The following POM121C variants were observed in gnomAD, a reference collection of about 807,000 sequenced individuals.
POM121C encodes the protein nuclear envelope pore membrane protein POM 121C.
POM121C carries 20 observed loss-of-function variants against 66.4 expected under a neutral mutation model. The ratio of observed to expected loss-of-function variants is 0.30; its 90% confidence interval spans 0.21 to 0.44. The LOEUF (loss-of-function observed/expected upper bound fraction) is 0.44. POM121C is among the 20% of genes least tolerant of loss of function. POM121C has a pLI of 1.00. For missense variants in POM121C, 580 were observed against 1,225.7 expected (o/e 0.47, Z 7.87); for synonymous variants, 286 against 528.0 (o/e 0.54, Z 6.28).
intron 1 of POM121C, among the ~76,000 whole-genome samples, chr7:75,479,593 G>A (rs1313720630): frequency 7.0e-6 from 1 of 142,008 alleles, no homozygotes; most frequent in African/African-American, 3.0e-5. Flanking sequence ...TCCAGCCTGG[G>A]GGACAGAGTG....
intron 7 of POM121C, among the ~76,000 whole-genome samples, chr7:75,429,655 C>A (rs587762113): frequency 6.7e-6 from 1 of 149,258 alleles, no homozygotes; most frequent in Admixed American, 6.7e-5. Context: ...AAACCAGATA[C>A]CTAGAAATAA....
Position 75,421,933 on chromosome 7 carries a change from C to A in POM121C, c.2319G>T (p.Ser773=), listed in dbSNP as rs377477248. The A allele has an allele frequency of 4.2e-5, 67 of 1,613,400 alleles. No individual in the cohort carries two copies. The African/African-American group carries it at 7.7e-4, about 19-fold the overall frequency. Reference sequence around the variant, plus strand: ...AAGCCGTGGCTTTCAATCCAAACGCCGAGTGCGTGGCACCGCCAAAGGTAG... The same window carrying A: ...AAGCCGTGGCTTTCAATCCAAACGCAGAGTGCGTGGCACCGCCAAAGGTAG... ...IQPTFGGATH[S]AFGLKATASA... is the part of the protein sequence containing the mutation. The change falls in exon 13 of 15, where the codon TCG becomes TCT. Residue 773 remains serine, a synonymous_variant. Coordinates refer to ENST00000615331, the MANE Select transcript of POM121C (RefSeq NM_001099415.3).
rs1554471560 is a variant in POM121C, at chr7:75,425,186, G to C, written c.656C>G (p.Thr219Arg). The C allele has an allele frequency of 6.8e-7, 1 of 1,472,692 alleles. No individual in the cohort carries two copies. Among genetic ancestry groups the C allele is most frequent in the East Asian group, 2.3e-5 (1 of 42,908 alleles). 91.2% of individuals were successfully genotyped at this position (1,472,692 alleles called of 1,614,324 possible). A position where few individuals can be genotyped will look rare whatever the true frequency, so the allele number is the denominator to read the frequency against. ...KESQGEKAAD[T>R]TPRKKQNSNS... The stretch of plus-strand genomic sequence containing the variant: ...CGAGTTTTGTTTCTTCCTTGGGGTT[G>C]TATCTGCAGCTAAAGAAAGAAATCA... The change falls in exon 10 of 15, where the codon ACA becomes AGA. Residue 219 changes from threonine (T) to arginine (R), a missense_variant. Physicochemically the swap from Thr to Arg is moderately conservative, Grantham distance 71 (BLOSUM62 -1). Transcript: ENST00000615331.
intron 5 of POM121C, chr7:75,440,723 C>A (rs587732853): frequency 1.7e-6 from 1 of 598,270 alleles, no homozygotes; most frequent in South Asian, 2.0e-5. Flanking sequence ...TAGCTGTCAG[C>A]TTATCTCTGC....
intron 7 of POM121C, among the ~76,000 whole-genome samples, chr7:75,432,373 A>T (rs1554472463): frequency 6.6e-6 from 1 of 152,230 alleles, no homozygotes; most frequent in African/African-American, 2.4e-5. Context: ...GCGGAACAGT[A>T]TATACATCAA....
At chr7:75,479,761 T>A (rs1284096442) in intron 1 of POM121C, among the ~76,000 whole-genome samples, 1 of 152,106 alleles carries the variant, frequency 6.6e-6, no homozygotes, top group South Asian at 2.1e-4. Context: ...GGAAGTGTCC[T>A]ATTGTAAGCT....
At chr7:75,484,662 CAAAAAAA>C (rs10690558) in intron 1 of POM121C, among the ~76,000 whole-genome samples, 1 of 48,670 alleles carries the variant, frequency 2.1e-5, no homozygotes. Flanking sequence ...GACACTGTCT[CAAAAAAA>C]AAAAAAAAAA....
rs587637698 is a variant in POM121C, at chr7:75,456,458, T to C, written c.-151-14811A>G. On this transcript the variant is annotated intron_variant, in intron 3 of 14. Transcript: ENST00000615331. ...TCATCCTCCCAATAGTCCTACTCCATGTCCAGCAAGGAGTGAAAAGGCTGA... is the reference window on the plus strand; with the variant it reads ...TCATCCTCCCAATAGTCCTACTCCACGTCCAGCAAGGAGTGAAAAGGCTGA... 5.6e-3 allele frequency among the ~76,000 whole-genome samples: 854 copies of C among 152,236 alleles called. 1 individual carries two copies. Among genetic ancestry groups the C allele is most frequent in the Middle Eastern group, 0.054 (16 of 294 alleles).
At chr7:75,454,848 G>C (rs1791149310) in intron 3 of POM121C, among the ~76,000 whole-genome samples, 1 of 152,204 alleles carries the variant, frequency 6.6e-6, no homozygotes, top group Admixed American at 6.5e-5. Context: ...AAAGAGTGAA[G>C]TTGCTGCCAC....
At chr7:75,424,965 A>G in intron 10 of POM121C, 109 bp downstream of exon 10, 1 of 1,536,266 alleles carries the variant, frequency 6.5e-7, no homozygotes, top group Non-Finnish European at 8.7e-7. Flanking sequence ...CTCAAAAAAC[A>G]AAAACAAAAA....
chr7:75,442,263 G>T (rs1482476935), intron 3 of POM121C: 1 of 1,448,608 alleles, frequency 6.9e-7, no homozygotes, highest in African/African-American at 1.5e-5. Flanking sequence ...CGGGCGGGTG[G>T]GCGGCGGCCA....
chr7:75,473,212 T>C (rs1170463038), intron 3 of POM121C, among the ~76,000 whole-genome samples: 2 of 152,084 alleles, frequency 1.3e-5, no homozygotes, highest in African/African-American at 4.8e-5. Flanking sequence ...TCAACTAGGT[T>C]AAAAGTGTCA....
At chr7:75,454,671 C>G (rs1267944290) in intron 3 of POM121C, among the ~76,000 whole-genome samples, 1 of 152,206 alleles carries the variant, frequency 6.6e-6, no homozygotes, top group Non-Finnish European at 1.5e-5. Context: ...TTCAATCTGC[C>G]CAATCTTATC....
intron 3 of POM121C, among the ~76,000 whole-genome samples, chr7:75,463,952 A>T (rs1791534740): frequency 6.7e-6 from 1 of 150,098 alleles, no homozygotes; most frequent in South Asian, 2.1e-4. Context: ...TCGGCCTCCC[A>T]AAAGTGCTGG....
intron 1 of POM121C, among the ~76,000 whole-genome samples, chr7:75,485,557 G>A (rs782155006): frequency 1.7e-4 from 26 of 152,314 alleles, no homozygotes; most frequent in Non-Finnish European, 3.4e-4. Flanking sequence ...AGTGCTGACG[G>A]ACGTTTAGAG....
rs71098029 is a variant in POM121C at position 75,431,603 on chromosome 7, CAAAAAAA to C, written c.481-5157_481-5151del. On this transcript the variant is annotated intron_variant, in intron 7 of 14. Coordinates refer to ENST00000615331, the MANE Select transcript of POM121C (RefSeq NM_001099415.3). ...GGGCAACAAGAGTGAAACTCCGTCT[CAAAAAAA>C]AAAAAAAAAAAAAAAAAAGAATATA... Among the ~76,000 whole-genome samples the C allele has an allele frequency of 7.9e-5, 4 of 50,768 alleles. No individual in the cohort carries two copies. The South Asian group carries it at 3.6e-3, about 46-fold the overall frequency. The allele number at this position is 50,768 out of a possible 152,430, so 33.3% of individuals were successfully genotyped here.
intron 3 of POM121C, among the ~76,000 whole-genome samples, chr7:75,472,622 T>C (rs587773299): frequency 1.2e-4 from 18 of 151,592 alleles, no homozygotes; most frequent in African/African-American, 3.9e-4. Context: ...CTGACCAATA[T>C]GGTGAAACCC....
At chr7:75,430,355 A>C (rs1379811737) in intron 7 of POM121C, among the ~76,000 whole-genome samples, 1 of 152,234 alleles carries the variant, frequency 6.6e-6, no homozygotes, top group African/African-American at 2.4e-5. Context: ...AAATGGACCC[A>C]CATATATACG....
intron 5 of POM121C, 146 bp downstream of exon 5, chr7:75,440,808 T>C: frequency 7.4e-7 from 1 of 1,348,428 alleles, no homozygotes; most frequent in Non-Finnish European, 1.0e-6. Context: ...ACCCTTGTTA[T>C]TAGGTTCTCT....
Sources: allele counts gnomAD v4.1 joint callset (sites outside exome capture counted in the v4.1 genomes callset), GRCh38; gene constraint gnomAD v4.1.1; transcripts MANE v1.5; gene names NCBI Gene and HGNC (gene_info 2026-07-23, HGNC 2026-07-21).